Variants in WNT2B observed in about 807,000 individuals in gnomAD.
WNT2B encodes the protein protein Wnt-2b.
In WNT2B, 19 loss-of-function variants were observed where a neutral mutation model predicts 40.5. The ratio of observed to expected loss-of-function variants is 0.47; its 90% CI spans 0.33 to 0.69. The LOEUF is 0.69. Ranked by LOEUF, WNT2B falls within the 30% of genes least tolerant of loss-of-function variation. The pLI is 0.02. For synonymous variants in WNT2B, 220 were observed against 211.9 expected (o/e 1.04, Z -0.33); for missense variants, 467 against 556.4 (o/e 0.84, Z 1.62).
chr1:112,475,443 A>G (rs1651025257), intron 1 of WNT2B, among the ~76,000 whole-genome samples: 1 of 152,252 alleles, frequency 6.6e-6, no homozygotes, highest in Non-Finnish European at 1.5e-5. Context: ...AAAGAGATTT[A>G]AAGAACAATA....
chr1:112,516,402 C>A lies in WNT2B; in HGVS notation c.666C>A (p.Asn222Lys). ...DARALMNLHN[N>K]RCGRTAVRRF... Reference sequence around the variant, plus strand: ...GGGCCCTCATGAACTTACATAATAACCGCTGTGGTCGCACGGTCAGTACTC... The same window carrying A: ...GGGCCCTCATGAACTTACATAATAAACGCTGTGGTCGCACGGTCAGTACTC... The change falls in exon 3 of 5, where the codon AAC (asparagine) becomes AAA (lysine). Residue 222 changes from asparagine to lysine, a missense_variant. Asn to Lys is a moderately conservative substitution (Grantham distance 94). Coordinates refer to ENST00000369684, the MANE Select transcript of WNT2B (RefSeq NM_024494.3). 6.2e-7 allele frequency: 1 copy of A among 1,612,878 alleles called. No homozygotes were observed. The highest frequency in any genetic ancestry group is 8.5e-7 in the Non-Finnish European group (1 of 1,179,652).
In WNT2B at chr1:112,490,990, T is replaced by G. The variant is rs777778243; in HGVS notation, c.-95+23399T>G. Reference sequence around the variant, plus strand: ...AGCATTTATTATGTTAAATTGCGCCTGTGTTTTCTTTTCCGACCAGACTGA... The same window carrying G: ...AGCATTTATTATGTTAAATTGCGCCGGTGTTTTCTTTTCCGACCAGACTGA... On this transcript the variant is annotated intron_variant, in intron 1 of 4. Transcript: ENST00000256640. The G allele has an allele frequency of 3.1e-6, 5 of 1,612,584 alleles. No individual in the cohort carries two copies. In the East Asian group the frequency reaches 8.9e-5, roughly 29 times the overall value.
intron 1 of WNT2B, among the ~76,000 whole-genome samples, chr1:112,489,410 A>G (rs1344411143): frequency 6.6e-6 from 1 of 151,990 alleles, no homozygotes; most frequent in Non-Finnish European, 1.5e-5. Context: ...AATACAAAAA[A>G]AAAATTAGCC....
At chr1:112,474,836 T>A (rs1232210155) in intron 1 of WNT2B, among the ~76,000 whole-genome samples, 2 of 152,188 alleles carry the variant, frequency 1.3e-5, no homozygotes, top group African/African-American at 4.8e-5. Flanking sequence ...GCTGTTCTCA[T>A]GATAATGAGT....
Position 112,520,737 on chromosome 1 carries a change from T to A in WNT2B, c.*228T>A. ...GAGCAAGCTCCCTGATTTCCCGCTC[T>A]GGAGATTTGAAGGGAGAGTAGAAGA... On this transcript the variant is annotated 3_prime_UTR_variant, in exon 5 of 5. Transcript: ENST00000369684. 1.7e-6 allele frequency: 1 copy of A among 588,566 alleles called. No individual in the cohort carries two copies. The highest frequency in any genetic ancestry group is 2.8e-5 in the East Asian group (1 of 35,838). 36.5% of individuals were successfully genotyped at this position (588,566 alleles called of 1,614,324 possible). A position where few individuals can be genotyped will look rare whatever the true frequency, so the allele number is the denominator to read the frequency against.
In WNT2B at chr1:112,467,438, A is replaced by G. The variant is rs1557903952; in HGVS notation, c.-248A>G. On this transcript the variant is annotated 5_prime_UTR_variant, in exon 1 of 5. Transcript: ENST00000256640. ...CTTCCAAACCCTGAAGAGCCCAAGC[A>G]ATGTGGTTGTAAAATTTGCAAAATA... The G allele has an allele frequency of 5.6e-6, 4 of 709,450 alleles. No homozygotes were observed. The East Asian group carries it at 7.6e-5, about 14-fold the overall frequency. 43.9% of individuals were successfully genotyped at this position (709,450 alleles called of 1,614,324 possible).
At chr1:112,499,213 A>G (rs943720915) in intron 1 of WNT2B, among the ~76,000 whole-genome samples, 162 of 151,928 alleles carry the variant, frequency 1.1e-3, no homozygotes, top group Non-Finnish European at 1.9e-3. Context: ...CAAAAAAAAA[A>G]AAAAAAAAGC....
chr1:112,502,898 T>A (rs748184158), intron 1 of WNT2B, among the ~76,000 whole-genome samples: 39 of 152,170 alleles, frequency 2.6e-4, no homozygotes, highest in Non-Finnish European at 4.4e-5. Context: ...TGAGGGCTGC[T>A]GATTTGAGCT....
intron 1 of WNT2B, among the ~76,000 whole-genome samples, chr1:112,502,795 G>A (rs1264002704): frequency 6.6e-6 from 1 of 152,172 alleles, no homozygotes; most frequent in East Asian, 1.9e-4. Context: ...GTTTTAGAGA[G>A]GCTATAGAGA....
Position 112,509,531 on chromosome 1 carries a change from G to T in WNT2B, c.182+87G>T, listed in dbSNP as rs1299455308. 2 of 1,424,728 alleles carry T rather than the reference G, an allele frequency of 1.4e-6. No individual in the cohort carries two copies. Among genetic ancestry groups the T allele is most frequent in the East Asian group, 5.5e-5 (2 of 36,638 alleles). The allele number at this position is 1,424,728 out of a possible 1,614,324, so 88.3% of individuals were successfully genotyped here. A position where few individuals can be genotyped will look rare whatever the true frequency, so the allele number is the denominator to read the frequency against. On this transcript the variant is annotated intron_variant, in intron 1 of 4. Transcript: ENST00000369684. This position sits in a 1 kb window ranked among gnomAD's most constrained non-coding sequence, Gnocchi z 4.2. ...GAGGGACTGGCTGCTCACGGGACCA[G>T]GCTGTTGCTTCGACGGGTTGGAGAC...
chr1:112,488,595 A>G (rs150583304), intron 1 of WNT2B, among the ~76,000 whole-genome samples: 4,007 of 142,652 alleles, frequency 0.028, 185 homozygotes, highest in African/African-American at 0.099. Context: ...TCTGTCGCCC[A>G]TGCTGGAGTG....
intron 1 of WNT2B, among the ~76,000 whole-genome samples, chr1:112,492,443 C>T (rs966610645): frequency 2.0e-5 from 3 of 152,170 alleles, no homozygotes; most frequent in Non-Finnish European, 2.9e-5. Context: ...TCAGTATGGA[C>T]AACTCTGAGA....
chr1:112,472,788 C>A (rs1650920745), intron 1 of WNT2B, among the ~76,000 whole-genome samples: 1 of 151,820 alleles, frequency 6.6e-6, no homozygotes, highest in African/African-American at 2.4e-5. Context: ...CATGGAGAAA[C>A]CTTGTCTCTA....
intron 1 of WNT2B, among the ~76,000 whole-genome samples, chr1:112,485,464 A>C (rs1243678280): frequency 6.6e-6 from 1 of 151,326 alleles, no homozygotes; most frequent in East Asian, 1.9e-4. Flanking sequence ...CTGTCTCAAA[A>C]AAAAAAAAAA....
chr1:112,475,705 A>G (rs1651035316), intron 1 of WNT2B, among the ~76,000 whole-genome samples: 1 of 152,212 alleles, frequency 6.6e-6, no homozygotes, highest in South Asian at 2.1e-4. Flanking sequence ...AACAAAACTA[A>G]TAAGGCAACA....
At chr1:112,476,926 C>A (rs949581275) in intron 1 of WNT2B, among the ~76,000 whole-genome samples, 1 of 152,200 alleles carries the variant, frequency 6.6e-6, no homozygotes, top group Admixed American at 6.5e-5. Flanking sequence ...CCACCACTGC[C>A]ATGGGCACAC....
Position 112,517,118 on chromosome 1 carries a change from C to G in WNT2B, c.682-3C>G. ...TCCCTTAACTGCCTTCCCCCTCCCC[C>G]AGGCTGTGCGGCGGTTTCTGAAGCT... On this transcript the variant is annotated splice_region_variant and splice_polypyrimidine_tract_variant and intron_variant, in intron 3 of 4. Transcript: ENST00000369684. 2 of 1,609,212 alleles carry G rather than the reference C, an allele frequency of 1.2e-6. No individual in the cohort carries two copies. Among genetic ancestry groups the G allele is most frequent in the Non-Finnish European group, 1.7e-6 (2 of 1,176,166 alleles).
intron 1 of WNT2B, 74 bp from the exon 2 acceptor site, chr1:112,514,800 G>C (rs370140758): frequency 3.4e-6 from 5 of 1,452,504 alleles, no homozygotes; most frequent in Admixed American, 1.7e-5. Context: ...GATGCTAAAC[G>C]TACCCCTTCC....
intron 1 of WNT2B, among the ~76,000 whole-genome samples, chr1:112,471,811 T>C (rs1650888289): frequency 6.6e-6 from 1 of 152,236 alleles, no homozygotes; most frequent in South Asian, 2.1e-4. Context: ...AGAAAATTCA[T>C]CTAGTTCTCA....
Sources: allele counts gnomAD v4.1 joint callset (sites outside exome capture counted in the v4.1 genomes callset), GRCh38; gene constraint gnomAD v4.1.1; non-coding constraint Gnocchi (gnomAD v3.1); transcripts MANE v1.5; gene names NCBI Gene and HGNC (gene_info 2026-07-23, HGNC 2026-07-21).